CREB5: variants seen among roughly 807,000 people sequenced by gnomAD.
CREB5 encodes cyclic AMP-responsive element-binding protein 5.
A neutral mutation model predicts 57.1 loss-of-function variants in CREB5; 19 were observed. The observed-to-expected ratio is 0.33, with a 90% CI of 0.23 to 0.49. The LOEUF is 0.49. Ranked by LOEUF, CREB5 falls within the 20% of genes least tolerant of loss-of-function variation. The pLI, the probability that CREB5 is intolerant of heterozygous loss-of-function variation, is 0.99. For synonymous variants in CREB5, 238 were observed against 238.3 expected (o/e 1.00, Z 0.01); for missense variants, 579 against 671.6 (o/e 0.86, Z 1.52).
chr7:28,718,625 T>C (rs1802839042), intron 5 of CREB5, 128 bp from the exon 6 acceptor site: 1 of 1,268,994 alleles, frequency 7.9e-7, no homozygotes, highest in East Asian at 2.4e-5. Flanking sequence ...TCCTCAATTA[T>C]GTGACTCTCC....
At chr7:28,731,191 C>T (rs1009971293) in intron 7 of CREB5, among the ~76,000 whole-genome samples, 3 of 152,138 alleles carry the variant, frequency 2.0e-5, no homozygotes, top group African/African-American at 4.8e-5. Flanking sequence ...AGAAGTATGA[C>T]GTTTTATATG....
intron 7 of CREB5, among the ~76,000 whole-genome samples, chr7:28,752,549 A>G (rs1805046015): frequency 6.6e-6 from 1 of 152,230 alleles, no homozygotes; most frequent in Non-Finnish European, 1.5e-5. Flanking sequence ...TTCGCATGGA[A>G]ACCTGAACTT....
At chr7:28,639,677 C>T (rs1398870539) in intron 5 of CREB5, among the ~76,000 whole-genome samples, 2 of 152,136 alleles carry the variant, frequency 1.3e-5, no homozygotes, top group Non-Finnish European at 2.9e-5. Context: ...TCATCAAGAA[C>T]AGACCTCAAG....
At chr7:28,485,202 T>C (rs998013591) in intron 1 of CREB5, among the ~76,000 whole-genome samples, 1 of 152,282 alleles carries the variant, frequency 6.6e-6, no homozygotes, top group African/African-American at 2.4e-5. Flanking sequence ...TGAATCTCTT[T>C]AAACTTTCAG....
intron 5 of CREB5, among the ~76,000 whole-genome samples, chr7:28,646,983 G>A (rs1199714265): frequency 6.6e-6 from 1 of 152,014 alleles, no homozygotes; most frequent in Admixed American, 6.5e-5. Flanking sequence ...AAATAACATA[G>A]GGGCAACACT....
chr7:28,594,369 A>T (rs1281077145), intron 5 of CREB5, among the ~76,000 whole-genome samples: 1 of 152,184 alleles, frequency 6.6e-6, no homozygotes, highest in Non-Finnish European at 1.5e-5. Context: ...AGGTAAGGTA[A>T]ATCTAGTTAC....
chr7:28,405,386 CT>C (rs1056987349), intron 1 of CREB5, among the ~76,000 whole-genome samples: 4 of 152,138 alleles, frequency 2.6e-5, no homozygotes, highest in Non-Finnish European at 4.4e-5. Flanking sequence ...ATATGTTCAT[CT>C]TTTTGGGAAG....
chr7:28,507,590 T>G (rs756082984), intron 3 of CREB5, 26 bp from the exon 4 acceptor site: 1 of 1,591,242 alleles, frequency 6.3e-7, no homozygotes, highest in African/African-American at 1.3e-5. Context: ...AAGACCCATT[T>G]ATGAGCTCTC....
intron 7 of CREB5, among the ~76,000 whole-genome samples, chr7:28,751,856 C>G (rs1263615722): frequency 6.6e-6 from 1 of 152,086 alleles, no homozygotes; most frequent in African/African-American, 2.4e-5. Context: ...TTTTATGTCT[C>G]CTTAGACTTC....
intron 1 of CREB5, among the ~76,000 whole-genome samples, chr7:28,337,287 G>A (rs775368527): frequency 1.8e-4 from 27 of 152,008 alleles, no homozygotes; most frequent in African/African-American, 5.8e-4. Flanking sequence ...TGTTGAAAGC[G>A]TGGTGTTTGA....
At chr7:28,637,845 T>G (rs1798485564) in intron 5 of CREB5, among the ~76,000 whole-genome samples, 1 of 152,218 alleles carries the variant, frequency 6.6e-6, no homozygotes, top group African/African-American at 2.4e-5. Flanking sequence ...TTTTTATTTT[T>G]TACTGTGTTT....
chr7:28,385,964 A>C (rs868441194), intron 1 of CREB5, among the ~76,000 whole-genome samples: 1 of 152,080 alleles, frequency 6.6e-6, no homozygotes, highest in African/African-American at 2.4e-5. Flanking sequence ...TATCTGATTT[A>C]TATATGTATA....
rs367967252 is a variant in CREB5, at chr7:28,820,414, A to T, written c.*1135A>T. On this transcript the variant is annotated 3_prime_UTR_variant, in exon 11 of 11. Coordinates refer to ENST00000357727, the MANE Select transcript of CREB5 (RefSeq NM_182898.4). ...ATCAGCTGCTAATAGCCTAAGATTT[A>T]TTTTTTTTTTTTTCTTAAGCCTATG... The T allele has an allele frequency of 1.9e-3, 275 of 147,676 alleles. 4 individuals are homozygous for T. Among genetic ancestry groups the T allele is most frequent in the African/African-American group, 6.2e-3 (250 of 40,010 alleles). The allele number at this position is 147,676 out of a possible 1,614,324, so 9.1% of individuals were successfully genotyped here. A position where few individuals can be genotyped will look rare whatever the true frequency, so the allele number is the denominator to read the frequency against.
chr7:28,793,916 A>G (rs1423398922), intron 7 of CREB5, among the ~76,000 whole-genome samples: 1 of 152,220 alleles, frequency 6.6e-6, no homozygotes, highest in Non-Finnish European at 1.5e-5. Flanking sequence ...ATCACTATTC[A>G]TTGCACCCCT....
intron 4 of CREB5, among the ~76,000 whole-genome samples, chr7:28,569,524 A>C (rs887332293): frequency 2.6e-5 from 4 of 152,194 alleles, no homozygotes. Context: ...AAATAAATAC[A>C]TGATATTAGG....
chr7:28,778,224 G>A (rs1274871447), intron 7 of CREB5, among the ~76,000 whole-genome samples: 1 of 152,202 alleles, frequency 6.6e-6, no homozygotes, highest in Non-Finnish European at 1.5e-5. Flanking sequence ...TAATTTTCTA[G>A]TTGTACTTTG....
chr7:28,636,794 T>G (rs1798438356), intron 5 of CREB5, among the ~76,000 whole-genome samples: 1 of 152,154 alleles, frequency 6.6e-6, no homozygotes, highest in Admixed American at 6.6e-5. Context: ...TCATCACCCT[T>G]TCTGTGGTTT....
rs76894537 is a variant in CREB5, at chr7:28,798,350, G to T, written c.703-5849G>T. ...AATTGGCATGAACCACTTGCTAATG[G>T]GAGATAAATTGCCCAGGGTGGGTGT... On this transcript the variant is annotated intron_variant, in intron 7 of 10. Transcript: ENST00000357727. Among the ~76,000 whole-genome samples, 27 of 107,578 alleles carry T rather than the reference G, an allele frequency of 2.5e-4. No homozygotes were observed. In the East Asian group the frequency reaches 5.5e-3, roughly 22 times the overall value. The allele number at this position is 107,578 out of a possible 152,430, so 70.6% of individuals were successfully genotyped here.
intron 1 of CREB5, among the ~76,000 whole-genome samples, chr7:28,458,283 T>C (rs1205354456): frequency 6.6e-6 from 1 of 152,206 alleles, no homozygotes; most frequent in Non-Finnish European, 1.5e-5. Flanking sequence ...TGAGAAGATA[T>C]AAACTGACTA....
Sources: allele counts gnomAD v4.1 joint callset (sites outside exome capture counted in the v4.1 genomes callset), GRCh38; gene constraint gnomAD v4.1.1; transcripts MANE v1.5; gene names NCBI Gene and HGNC (gene_info 2026-07-23, HGNC 2026-07-21).